Variants in RFX2 observed in about 807,000 individuals in gnomAD.
The protein encoded by RFX2 is regulatory factor X2.
RFX2 carries 20 observed loss-of-function variants against 87.8 expected under a neutral mutation model. The observed-to-expected ratio is 0.23, with a 90% CI of 0.16 to 0.33. The LOEUF is 0.33. Ranked by LOEUF, RFX2 falls within the 10% of genes least tolerant of loss-of-function variation. The pLI is 1.00. For missense variants in RFX2, 767 were observed against 1,012.3 expected (o/e 0.76, Z 3.29); for synonymous variants, 397 against 431.3 (o/e 0.92, Z 0.98).
chr19:6,036,265 C>A (rs575158508), intron 5 of RFX2, among the ~76,000 whole-genome samples: 1 of 152,084 alleles, frequency 6.6e-6, no homozygotes, highest in African/African-American at 2.4e-5. Context: ...CTAATGGCAC[C>A]GAGGCACTAA....
At chr19:6,037,568 G>A (rs1221046987) in intron 5 of RFX2, among the ~76,000 whole-genome samples, 1 of 152,162 alleles carries the variant, frequency 6.6e-6, no homozygotes, top group Admixed American at 6.5e-5. Flanking sequence ...TGGATTGGAA[G>A]CCTTAACATA....
rs1460885898 is a variant in RFX2, at chr19:6,024,059, C to T, written c.597+2104G>A. Among the ~76,000 whole-genome samples the T allele has an allele frequency of 6.6e-6, 1 of 152,166 alleles. No homozygotes were observed. Among genetic ancestry groups the T allele is most frequent in the East Asian group, 1.9e-4 (1 of 5,178 alleles). On this transcript the variant is annotated intron_variant, in intron 6 of 17. Transcript: ENST00000303657. The surrounding 1 kb of genome is among the most constrained non-coding windows in gnomAD (Gnocchi z 5.0). ...TCTCCCAAACTGCTGGGATTACAGG[C>T]GTGAGCCACCGTGCCCAGCCCATTT...
At position 6,064,912 on chromosome 19, in the gene RFX2, G is replaced by C. The variant is rs1023510575; in HGVS notation, c.-8-17408C>G. Reference sequence around the variant, plus strand: ...CCATCTAAAACCACAGCATGGAGAGGCCCCTTTAAAAACCACCTAACCCAG... The same window carrying C: ...CCATCTAAAACCACAGCATGGAGAGCCCCCTTTAAAAACCACCTAACCCAG... On this transcript the variant is annotated intron_variant, in intron 1 of 17. Coordinates refer to ENST00000303657, the MANE Select transcript of RFX2 (RefSeq NM_000635.4). This position sits in a 1 kb window ranked among gnomAD's most constrained non-coding sequence, Gnocchi z 4.8. 6.6e-6 allele frequency among the ~76,000 whole-genome samples: 1 copy of C among 152,156 alleles called. No individual in the cohort carries two copies. The highest frequency in any genetic ancestry group is 1.5e-5 in the Non-Finnish European group (1 of 68,032).
chr19:6,025,930 C>T (rs1014088134), intron 6 of RFX2, among the ~76,000 whole-genome samples: 8 of 151,780 alleles, frequency 5.3e-5, no homozygotes, highest in African/African-American at 1.5e-4. Context: ...GGATTACAGG[C>T]GCCCACCACC....
rs2087181720 is a variant in RFX2 at position 6,045,827 on chromosome 19, A to G, written c.91-1545T>C. Reference sequence around the variant, plus strand: ...GCTGGGATTACAAGCATGTGCCACAATGCTCGGCTAATTTATTATTATTAT... The same window carrying G: ...GCTGGGATTACAAGCATGTGCCACAGTGCTCGGCTAATTTATTATTATTAT... On this transcript the variant is annotated intron_variant, in intron 2 of 17. Transcript: ENST00000303657. This position sits in a 1 kb window ranked among gnomAD's most constrained non-coding sequence, Gnocchi z 5.2. Among the ~76,000 whole-genome samples the G allele has an allele frequency of 6.6e-6, 1 of 152,076 alleles. No homozygotes were observed. Among genetic ancestry groups the G allele is most frequent in the East Asian group, 1.9e-4 (1 of 5,160 alleles).
intron 9 of RFX2, among the ~76,000 whole-genome samples, chr19:6,009,458 C>A (rs571813459): frequency 2.5e-4 from 38 of 152,278 alleles, no homozygotes; most frequent in Non-Finnish European, 4.0e-4. Flanking sequence ...GGGAAGAGGC[C>A]AAGACTGCCT....
intron 5 of RFX2, among the ~76,000 whole-genome samples, chr19:6,038,860 T>C (rs2087061713): frequency 1.3e-5 from 2 of 152,192 alleles, no homozygotes; most frequent in Non-Finnish European, 2.9e-5. Context: ...GGAACTCTTG[T>C]ATGTTGCTGG....
At chr19:6,077,836 C>T (rs534978774) in intron 1 of RFX2, among the ~76,000 whole-genome samples, 57 of 152,066 alleles carry the variant, frequency 3.7e-4, no homozygotes, top group Non-Finnish European at 7.4e-4. Context: ...CAAAATTAGC[C>T]GGGCGTGGTG....
At chr19:6,104,111 T>A (rs2088171738) in intron 1 of RFX2, among the ~76,000 whole-genome samples, 5 of 152,112 alleles carry the variant, frequency 3.3e-5, no homozygotes, top group African/African-American at 1.2e-4. Context: ...ACTCCTTCTC[T>A]GCTGTGCCCC....
chr19:6,030,523 C>A (rs901541898), intron 5 of RFX2, among the ~76,000 whole-genome samples: 2 of 152,154 alleles, frequency 1.3e-5, no homozygotes, highest in Non-Finnish European at 2.9e-5. Context: ...TATATAATTC[C>A]TTTTACATAA....
rs34110529 is a variant in RFX2 at position 6,098,965 on chromosome 19, C to CAAAAAAAAAA, written c.-9+11418_-9+11427dup. 8.7e-4 allele frequency among the ~76,000 whole-genome samples: 46 copies of CAAAAAAAAAA among 52,782 alleles called. 2 individuals are homozygous for CAAAAAAAAAA. Among genetic ancestry groups the CAAAAAAAAAA allele is most frequent in the African/African-American group, 2.3e-3 (45 of 19,196 alleles). The allele number at this position is 52,782 out of a possible 152,430, so 34.6% of individuals were successfully genotyped here. A position where few individuals can be genotyped will look rare whatever the true frequency, so the allele number is the denominator to read the frequency against. On this transcript the variant is annotated intron_variant, in intron 1 of 17. Coordinates refer to ENST00000303657, the MANE Select transcript of RFX2 (RefSeq NM_000635.4). Reference sequence around the variant, plus strand: ...AATCTTTCACAAACTGCTTGAACCACAAAAAAAAAAAAAAAAAAAAAAAAA... The same window carrying CAAAAAAAAAA: ...AATCTTTCACAAACTGCTTGAACCACAAAAAAAAAAAAAAAAAAAAAAAAAAAAAAAAAAA...
intron 1 of RFX2, among the ~76,000 whole-genome samples, chr19:6,102,243 C>T (rs940542533): frequency 2.6e-5 from 4 of 152,222 alleles, no homozygotes; most frequent in Non-Finnish European, 5.9e-5. Context: ...GCTGGCCTCC[C>T]CACTTTGTCT....
In RFX2 at chr19:6,011,904, G is replaced by A. The variant is rs2086664523; in HGVS notation, c.899+1082C>T. ...TTGTGGAGGCACACTGGGAGGCAGT[G>A]ATATTTGAATGGGCCCTAAACCAGG... On this transcript the variant is annotated intron_variant, in intron 8 of 17. Transcript: ENST00000303657. This position sits in a 1 kb window ranked among gnomAD's most constrained non-coding sequence, Gnocchi z 4.8. 6.6e-6 allele frequency among the ~76,000 whole-genome samples: 1 copy of A among 152,272 alleles called. No homozygotes were observed. The highest frequency in any genetic ancestry group is 2.1e-4 in the South Asian group (1 of 4,832).
chr19:6,095,664 C>T (rs1156779339), intron 1 of RFX2, among the ~76,000 whole-genome samples: 2 of 151,540 alleles, frequency 1.3e-5, no homozygotes, highest in Non-Finnish European at 2.9e-5. Context: ...GGGTGGAGCT[C>T]GGGGAATAAA....
rs746803880 is a variant in RFX2 at position 5,994,903 on chromosome 19, G to A, written c.2104C>T (p.Arg702Cys). Reference protein sequence around the residue: ...QRGSEAGPDARSLGEPLVKRE... With the variant: ...QRGSEAGPDACSLGEPLVKRE... ...TTTACCAGGGGCTCACCCAGGCTGCGGGCGTCTGGGCCCGCCTCGCTGCCA... is the reference window on the plus strand; with the variant it reads ...TTTACCAGGGGCTCACCCAGGCTGCAGGCGTCTGGGCCCGCCTCGCTGCCA... Residue 702 changes from arginine (R) to cysteine (C), a missense_variant, in exon 18 of 18, where the codon CGC (arginine) becomes TGC (cysteine). Around this residue, in one of 2 missense-constraint regions of RFX2, gnomAD observed 621 missense variants for 873.0 expected, o/e 0.71. Coordinates refer to ENST00000303657, the MANE Select transcript of RFX2 (RefSeq NM_000635.4). 38 of 1,609,792 alleles carry A rather than the reference G, an allele frequency of 2.4e-5. No individual in the cohort carries two copies. The highest frequency in any genetic ancestry group is 6.6e-5 in the South Asian group (6 of 91,072).
chr19:6,096,556 C>T (rs1179480289), intron 1 of RFX2, among the ~76,000 whole-genome samples: 1 of 152,164 alleles, frequency 6.6e-6, no homozygotes, highest in Non-Finnish European at 1.5e-5. Context: ...ATGCCATTCT[C>T]CTGCCTCAGC....
intron 1 of RFX2, chr19:6,072,872 C>A: frequency 7.7e-7 from 1 of 1,294,334 alleles, no homozygotes; most frequent in South Asian, 1.2e-5. Context: ...AAAAAGAGAA[C>A]CAAGGAGTTC....
intron 1 of RFX2, among the ~76,000 whole-genome samples, chr19:6,106,369 G>A (rs1029495800): frequency 3.3e-5 from 5 of 151,994 alleles, no homozygotes; most frequent in Admixed American, 6.6e-5. Context: ...TTCTAGAGAC[G>A]GAGTCAAAAC....
chr19:6,106,095 C>T (rs1305180123), intron 1 of RFX2, among the ~76,000 whole-genome samples: 2 of 152,210 alleles, frequency 1.3e-5, no homozygotes, highest in Admixed American at 6.5e-5. Context: ...TTATCCCTTT[C>T]GCCCACTTCA....
Sources: allele counts gnomAD v4.1 joint callset (sites outside exome capture counted in the v4.1 genomes callset), GRCh38; gene constraint gnomAD v4.1.1; regional missense constraint gnomAD v4.1.1; non-coding constraint Gnocchi (gnomAD v3.1); transcripts MANE v1.5; gene names NCBI Gene and HGNC (gene_info 2026-07-23, HGNC 2026-07-21).